Variants in PLCXD3 observed in about 807,000 individuals in gnomAD.
The protein encoded by PLCXD3 is PI-PLC X domain-containing protein 3.
In PLCXD3, 19 loss-of-function variants were observed where a neutral mutation model predicts 25.5. The ratio of observed to expected loss-of-function variants is 0.75; its 90% CI spans 0.52 to 1.09. The LOEUF (loss-of-function observed/expected upper bound fraction) is 1.09. PLCXD3 is among the 50% of genes least tolerant of loss of function. The pLI, the probability that PLCXD3 is intolerant of heterozygous loss-of-function variation, is 0.00. For missense variants in PLCXD3, 411 were observed against 388.1 expected (o/e 1.06, Z -0.50); for synonymous variants, 174 against 137.6 (o/e 1.26, Z -1.85).
chr5:41,338,125 C>T lies in PLCXD3; in HGVS notation c.813-24355G>A, dbSNP rs554061563. ...TGTTTAGAAAAGTCTCAGAGAATAT[C>T]GGGTCTGAAAATGTCTTTAAGACAT... On this transcript the variant is annotated intron_variant, in intron 2 of 2. Transcript: ENST00000377801. Among the ~76,000 whole-genome samples the T allele has an allele frequency of 2.4e-4, 36 of 152,158 alleles. No individual in the cohort carries two copies. The South Asian group carries it at 7.5e-3, about 32-fold the overall frequency.
At chr5:41,477,464 C>A (rs148004874) in intron 1 of PLCXD3, among the ~76,000 whole-genome samples, 1 of 152,210 alleles carries the variant, frequency 6.6e-6, no homozygotes, top group Non-Finnish European at 1.5e-5. Flanking sequence ...CTCTGTGTGC[C>A]AGCATCCTTG....
chr5:41,477,136 T>G (rs936368281), intron 1 of PLCXD3, among the ~76,000 whole-genome samples: 6 of 152,308 alleles, frequency 3.9e-5, no homozygotes, highest in African/African-American at 9.6e-5. Context: ...TTTCTGGCCC[T>G]CTGAACTAGG....
At chr5:41,430,808 C>CTT (rs1188354777) in intron 1 of PLCXD3, among the ~76,000 whole-genome samples, 1 of 152,050 alleles carries the variant, frequency 6.6e-6, no homozygotes, top group Non-Finnish European at 1.5e-5. Flanking sequence ...AAATATTATT[C>CTT]TTTAAAAGTT....
chr5:41,373,626 C>G (rs187436173), intron 2 of PLCXD3, among the ~76,000 whole-genome samples: 2 of 152,136 alleles, frequency 1.3e-5, no homozygotes, highest in African/African-American at 4.8e-5. Flanking sequence ...AAGCTCTCTC[C>G]TCTCTGAATT....
At chr5:41,510,290 C>T in intron 1 of PLCXD3, 134 bp downstream of exon 1, 1 of 796,402 alleles carries the variant, frequency 1.3e-6, no homozygotes, top group East Asian at 2.9e-5. Context: ...GCTCGCCTGG[C>T]CTGAGACCCA....
intron 2 of PLCXD3, among the ~76,000 whole-genome samples, chr5:41,374,909 T>C (rs1034827744): frequency 6.6e-5 from 10 of 152,220 alleles, no homozygotes; most frequent in African/African-American, 2.2e-4. Flanking sequence ...CTTTAAGCCA[T>C]TTGAACAGCT....
intron 2 of PLCXD3, among the ~76,000 whole-genome samples, chr5:41,356,747 C>T (rs1488440097): frequency 6.6e-6 from 1 of 152,114 alleles, no homozygotes; most frequent in Non-Finnish European, 1.5e-5. Flanking sequence ...GGTGAAGTGA[C>T]CCCCCAAAGA....
intron 1 of PLCXD3, among the ~76,000 whole-genome samples, chr5:41,428,374 G>GTT (rs373244601): frequency 0.019 from 1,701 of 91,468 alleles, 150 homozygotes; most frequent in Non-Finnish European, 0.026. Context: ...GTTAAAATGA[G>GTT]TTTTTTTGTT....
chr5:41,414,841 A>G (rs1746656685), intron 1 of PLCXD3, among the ~76,000 whole-genome samples: 1 of 152,244 alleles, frequency 6.6e-6, no homozygotes, highest in Non-Finnish European at 1.5e-5. Flanking sequence ...TTAGTCATTT[A>G]GAAACCATCT....
chr5:41,446,750 A>G (rs1233813179), intron 1 of PLCXD3, among the ~76,000 whole-genome samples: 2 of 152,118 alleles, frequency 1.3e-5, no homozygotes, highest in Non-Finnish European at 2.9e-5. Flanking sequence ...CCAGGGGTGT[A>G]TGGCAGTGCA....
Position 41,308,023 on chromosome 5 carries a change from T to G in PLCXD3, c.*5594A>C, listed in dbSNP as rs1400808136. On this transcript the variant is annotated 3_prime_UTR_variant, in exon 3 of 3. Coordinates refer to ENST00000377801, the MANE Select transcript of PLCXD3 (RefSeq NM_001005473.3). ...CATTGATCCTATGAAGATATTTACTTGATTATCCCATCTGTATTTGAGTTC... is the reference window on the plus strand; with the variant it reads ...CATTGATCCTATGAAGATATTTACTGGATTATCCCATCTGTATTTGAGTTC... 6.6e-6 allele frequency: 1 copy of G among 152,134 alleles called. No homozygotes were observed. Among genetic ancestry groups the G allele is most frequent in the Non-Finnish European group, 1.5e-5 (1 of 68,030 alleles). The allele number at this position is 152,134 out of a possible 1,614,324, so 9.4% of individuals were successfully genotyped here.
chr5:41,407,394 A>T (rs562774219), intron 1 of PLCXD3, among the ~76,000 whole-genome samples: 1 of 152,344 alleles, frequency 6.6e-6, no homozygotes, highest in South Asian at 2.1e-4. Flanking sequence ...AGAAAAAAAA[A>T]TTTCAAAATT....
chr5:41,490,609 A>G (rs1008448654), intron 1 of PLCXD3, among the ~76,000 whole-genome samples: 1 of 152,212 alleles, frequency 6.6e-6, no homozygotes, highest in African/African-American at 2.4e-5. Context: ...CCACAATTTC[A>G]GATCCTGTTA....
chr5:41,493,922 G>C (rs1053200652), intron 1 of PLCXD3, among the ~76,000 whole-genome samples: 1 of 152,056 alleles, frequency 6.6e-6, no homozygotes, highest in Non-Finnish European at 1.5e-5. Context: ...GCTTCGGCTC[G>C]CGCACAGTGC....
At chr5:41,494,338 A>G (rs951451116) in intron 1 of PLCXD3, among the ~76,000 whole-genome samples, 1 of 152,240 alleles carries the variant, frequency 6.6e-6, no homozygotes, top group Non-Finnish European at 1.5e-5. Flanking sequence ...AACTGGTTTG[A>G]AGAACAGTAG....
At chr5:41,382,845 T>C (rs1745514587) in intron 1 of PLCXD3, among the ~76,000 whole-genome samples, 1 of 152,126 alleles carries the variant, frequency 6.6e-6, no homozygotes. Flanking sequence ...GCTTTCCTTA[T>C]GGGTGACTTA....
At chr5:41,324,437 G>C (rs149164658) in intron 2 of PLCXD3, among the ~76,000 whole-genome samples, 275 of 152,262 alleles carry the variant, frequency 1.8e-3, no homozygotes, top group African/African-American at 6.3e-3. Context: ...TTTCCTGTCA[G>C]ACCCAGATAG....
At chr5:41,443,481 G>A (rs550076018) in intron 1 of PLCXD3, among the ~76,000 whole-genome samples, 4 of 152,162 alleles carry the variant, frequency 2.6e-5, no homozygotes, top group Admixed American at 1.3e-4. Flanking sequence ...ATATATATTA[G>A]TTGATATAAA....
chr5:41,431,794 A>G (rs1747115012), intron 1 of PLCXD3, among the ~76,000 whole-genome samples: 1 of 152,142 alleles, frequency 6.6e-6, no homozygotes, highest in South Asian at 2.1e-4. Context: ...TTTTAAAGTG[A>G]GACACAGTTA....
Sources: gnomAD v4.1 joint callset for allele counts (sites outside exome capture counted in the v4.1 genomes callset) on GRCh38, gnomAD v4.1.1 for gene constraint, MANE v1.5 for transcripts, NCBI Gene and HGNC (gene_info 2026-07-23, HGNC 2026-07-21) for gene names.